Variants in FBXO25 observed in about 807,000 individuals in gnomAD.
FBXO25 encodes F-box protein 25.
In FBXO25, 45 loss-of-function variants were observed where a neutral mutation model predicts 51.9. The observed-to-expected ratio is 0.87, with a 90% CI of 0.68 to 1.11. FBXO25 has a LOEUF of 1.11. Ranked by LOEUF, FBXO25 falls within the 50% of genes most tolerant of loss-of-function variation. The pLI is 0.00. For synonymous variants in FBXO25, 199 were observed against 151.0 expected, an observed-to-expected ratio of 1.32 and a Z score of -2.33; for missense variants, 507 against 428.5, an observed-to-expected ratio of 1.18 and a Z score of -1.62.
At position 474,516 on chromosome 8, in the gene FBXO25, G is replaced by T; in HGVS notation, c.*5712G>T. On this transcript the variant is annotated 3_prime_UTR_variant, in exon 10 of 10. Coordinates refer to ENST00000350302, the MANE Select transcript of FBXO25 (RefSeq NM_183420.2). Reference sequence around the variant, plus strand: ...GGCTGCACCATTTTACATTCCCACTGAAGGTTCCAGTTTTGCCACATCCTT... The same window carrying T: ...GGCTGCACCATTTTACATTCCCACTTAAGGTTCCAGTTTTGCCACATCCTT... The T allele has an allele frequency of 2.9e-6, 1 of 342,674 alleles. No individual in the cohort carries two copies. The highest frequency in any genetic ancestry group is 5.6e-6 in the Non-Finnish European group (1 of 178,404). 21.2% of individuals were successfully genotyped at this position (342,674 alleles called of 1,614,324 possible). A position where few individuals can be genotyped will look rare whatever the true frequency, so the allele number is the denominator to read the frequency against.
Position 474,658 on chromosome 8 carries a change from T to C in FBXO25, c.*5854T>C. The C allele has an allele frequency of 2.3e-6, 1 of 443,822 alleles. No homozygotes were observed. Among genetic ancestry groups the C allele is most frequent in the Non-Finnish European group, 4.5e-6 (1 of 223,378 alleles). 27.5% of individuals were successfully genotyped at this position (443,822 alleles called of 1,614,324 possible). A position where few individuals can be genotyped will look rare whatever the true frequency, so the allele number is the denominator to read the frequency against. On this transcript the variant is annotated 3_prime_UTR_variant, in exon 10 of 10. Coordinates refer to ENST00000350302, the MANE Select transcript of FBXO25 (RefSeq NM_183420.2). ...TGCTGAGTATCTGTTTGTTGGCCGT[T>C]TATATGTCGTCTTTGGAGAAATGTC...
At position 470,858 on chromosome 8, in the gene FBXO25, T is replaced by C. The variant is rs1585119773; in HGVS notation, c.*2054T>C. 2 of 152,372 alleles carry C rather than the reference T, an allele frequency of 1.3e-5. No homozygotes were observed. Among genetic ancestry groups the C allele is most frequent in the East Asian group, 3.9e-4 (2 of 5,190 alleles). 9.4% of individuals were successfully genotyped at this position (152,372 alleles called of 1,614,324 possible). On this transcript the variant is annotated 3_prime_UTR_variant, in exon 10 of 10. Transcript: ENST00000350302. ...TTTATTATCCATTTGCTTTTCTTGT[T>C]TTTGGTAAATTACTTAATGTGGTAT... is the stretch of plus-strand genomic sequence containing the variant.
intron 9 of FBXO25, among the ~76,000 whole-genome samples, chr8:468,493 C>T (rs192801615): frequency 1.4e-3 from 219 of 152,220 alleles, no homozygotes; most frequent in African/African-American, 5.1e-3. Flanking sequence ...CTGGGGCCAC[C>T]GTCTCCTGCC....
At chr8:445,158 A>G (rs191329853) in intron 5 of FBXO25, among the ~76,000 whole-genome samples, 168 of 152,296 alleles carry the variant, frequency 1.1e-3, no homozygotes, top group African/African-American at 3.7e-3. Context: ...TCTCACCTCT[A>G]TGCTTACCTA....
At chr8:463,850 G>C (rs1799974321) in intron 9 of FBXO25, among the ~76,000 whole-genome samples, 1 of 152,088 alleles carries the variant, frequency 6.6e-6, no homozygotes, top group Non-Finnish European at 1.5e-5. Flanking sequence ...GTCTCGCTCT[G>C]TCACCCAGGC....
chr8:446,359 T>G (rs1798735773), intron 5 of FBXO25, among the ~76,000 whole-genome samples: 1 of 152,210 alleles, frequency 6.6e-6, no homozygotes, highest in Non-Finnish European at 1.5e-5. Flanking sequence ...TACATTTTGG[T>G]CTGTTTCTTT....
intron 5 of FBXO25, among the ~76,000 whole-genome samples, chr8:443,284 G>A (rs972286882): frequency 6.7e-6 from 1 of 149,480 alleles, no homozygotes; most frequent in African/African-American, 2.5e-5. Flanking sequence ...TTGGAAGTTT[G>A]AAATGCCGGT....
Position 458,455 on chromosome 8 carries a change from C to T in FBXO25, c.747C>T (p.Ile249=), listed in dbSNP as rs368583906. 1.1e-5 allele frequency: 17 copies of T among 1,614,066 alleles called. No individual in the cohort carries two copies. The highest frequency in any genetic ancestry group is 1.3e-5 in the Non-Finnish European group (15 of 1,180,028). The change falls in exon 8 of 10, where the codon ATC becomes ATT. Residue 249 remains isoleucine (I), a synonymous_variant. Transcript: ENST00000350302. ...ACCGGTTCTCAGACGGATGGGACAT[C>T]ATCACCTTAGGCCAGGTGACCCCCA... is the stretch of plus-strand genomic sequence containing the variant. ...ILYRFSDGWD[I]ITLGQVTPTL... is the part of the protein sequence containing the mutation.
chr8:431,988 C>T (rs1381627719), intron 3 of FBXO25, among the ~76,000 whole-genome samples: 1 of 152,120 alleles, frequency 6.6e-6, no homozygotes, highest in African/African-American at 2.4e-5. Context: ...ACTACCAAAC[C>T]TTATGGATAC....
intron 7 of FBXO25, among the ~76,000 whole-genome samples, chr8:457,248 G>A (rs371429182): frequency 1.2e-4 from 19 of 152,312 alleles, no homozygotes; most frequent in Non-Finnish European, 2.6e-4. Context: ...TCAGGAAGAC[G>A]TGTTTCTAGT....
chr8:407,904 G>A (rs369309025), intron 1 of FBXO25, among the ~76,000 whole-genome samples: 1 of 152,068 alleles, frequency 6.6e-6, no homozygotes, highest in African/African-American at 2.4e-5. Flanking sequence ...CTGTCCTTGG[G>A]CCTATTCAAA....
At chr8:407,675 G>T (rs1359411205) in intron 1 of FBXO25, among the ~76,000 whole-genome samples, 2 of 152,074 alleles carry the variant, frequency 1.3e-5, no homozygotes, top group African/African-American at 4.8e-5. Context: ...CTCTTCGCCG[G>T]TGGGCACCTG....
At chr8:430,421 G>A (rs1006864125) in intron 2 of FBXO25, among the ~76,000 whole-genome samples, 4 of 152,090 alleles carry the variant, frequency 2.6e-5, no homozygotes, top group African/African-American at 9.7e-5. Context: ...CAGTGAGAAA[G>A]TGACTCATTT....
intron 9 of FBXO25, among the ~76,000 whole-genome samples, chr8:465,287 G>GTAAGAGTGGACAC (rs1178928927): frequency 1.3e-5 from 2 of 152,198 alleles, no homozygotes. Flanking sequence ...CAGTCACAGA[G>GTAAGAGTGGACAC]TAAGAGTGGA....
chr8:419,303 A>C (rs1329353813), intron 2 of FBXO25, among the ~76,000 whole-genome samples: 2 of 152,250 alleles, frequency 1.3e-5, no homozygotes, highest in Non-Finnish European at 1.5e-5. Context: ...TGGGAGGTGA[A>C]GGTTGTGGTG....
chr8:409,062 A>C (rs1393197929), intron 1 of FBXO25, among the ~76,000 whole-genome samples: 1 of 152,206 alleles, frequency 6.6e-6, no homozygotes, highest in African/African-American at 2.4e-5. Context: ...TCATCATTCT[A>C]TAAAACTTTA....
At chr8:449,432 A>T (rs186937758) in intron 5 of FBXO25, among the ~76,000 whole-genome samples, 2,062 of 152,348 alleles carry the variant, frequency 0.014, 34 homozygotes, top group African/African-American at 0.048. Flanking sequence ...CAAATTCTAC[A>T]ATTTTGTATT....
chr8:464,827 T>G (rs1170517364), intron 9 of FBXO25, among the ~76,000 whole-genome samples: 2 of 152,200 alleles, frequency 1.3e-5, no homozygotes, highest in African/African-American at 2.4e-5. Context: ...GATTTATTGT[T>G]TTATATTTTG....
At position 475,128 on chromosome 8, in the gene FBXO25, T is replaced by A; in HGVS notation, c.*6324T>A. 5.5e-6 allele frequency: 2 copies of A among 361,184 alleles called. No individual in the cohort carries two copies. The highest frequency in any genetic ancestry group is 4.1e-5 in the Admixed American group (1 of 24,522). The allele number at this position is 361,184 out of a possible 1,614,324, so 22.4% of individuals were successfully genotyped here. On this transcript the variant is annotated 3_prime_UTR_variant, in exon 10 of 10. Coordinates refer to ENST00000350302, the MANE Select transcript of FBXO25 (RefSeq NM_183420.2). ...TTTAGGCCTTTGATCTATTTTAATTTTTATATATGGTGTGAGGTAGATCTA... is the reference window on the plus strand; with the variant it reads ...TTTAGGCCTTTGATCTATTTTAATTATTATATATGGTGTGAGGTAGATCTA...
Sources: gnomAD v4.1 joint callset for allele counts (sites outside exome capture counted in the v4.1 genomes callset) on GRCh38, gnomAD v4.1.1 for gene constraint, MANE v1.5 for transcripts, NCBI Gene and HGNC (gene_info 2026-07-23, HGNC 2026-07-21) for gene names.